The following PACS1 variants were observed in gnomAD, a reference collection of about 807,000 sequenced individuals.
PACS1 encodes PACS-1.
In PACS1, 24 loss-of-function variants were observed where a neutral mutation model predicts 115.0. The ratio of observed to expected loss-of-function variants is 0.21; its 90% CI spans 0.15 to 0.29. PACS1 has a LOEUF of 0.29. PACS1 is among the 10% of genes least tolerant of loss of function. PACS1 has a pLI of 1.00. For missense variants in PACS1, 838 were observed against 1,251.2 expected, an observed-to-expected ratio of 0.67 and a Z score of 4.98; for synonymous variants, 453 against 504.5, an observed-to-expected ratio of 0.90 and a Z score of 1.37.
intron 2 of PACS1, among the ~76,000 whole-genome samples, chr11:66,196,764 A>G (rs1854661159): frequency 6.6e-6 from 1 of 151,970 alleles, no homozygotes; most frequent in South Asian, 2.1e-4. Flanking sequence ...TGCCTGGCTA[A>G]TTTGTGTATT....
intron 10 of PACS1, among the ~76,000 whole-genome samples, chr11:66,224,945 C>G (rs772387317): frequency 2.6e-5 from 4 of 152,162 alleles, no homozygotes; most frequent in Non-Finnish European, 4.4e-5. Context: ...ATCGCTAGAA[C>G]CAGAAAGAAT....
chr11:66,088,203 T>G (rs1372269605), intron 1 of PACS1, among the ~76,000 whole-genome samples: 2 of 152,056 alleles, frequency 1.3e-5, no homozygotes, highest in East Asian at 3.8e-4. Context: ...TATGACGATA[T>G]CAAGCAACCT....
chr11:66,171,486 G>C (rs986822063), intron 1 of PACS1, among the ~76,000 whole-genome samples: 1 of 149,410 alleles, frequency 6.7e-6, no homozygotes, highest in Non-Finnish European at 1.5e-5. Context: ...TCTTTTTTTG[G>C]GGGGGCGGTG....
intron 1 of PACS1, among the ~76,000 whole-genome samples, chr11:66,133,333 T>C (rs903795910): frequency 6.6e-6 from 1 of 152,242 alleles, no homozygotes; most frequent in Non-Finnish European, 1.5e-5. Flanking sequence ...GCTAGCCATA[T>C]GCTGCCAGAT....
At position 66,117,506 on chromosome 11, in the gene PACS1, G is replaced by A. The variant is rs1299625334; in HGVS notation, c.356+46664G>A. 2.0e-5 allele frequency among the ~76,000 whole-genome samples: 3 copies of A among 151,050 alleles called. No individual in the cohort carries two copies. In the East Asian group the frequency reaches 5.9e-4, roughly 30 times the overall value. ...AAAGAAAGAAAAAGAAAAGGTTAAG[G>A]ACCCCTCATTAGAGTTACAAGACCA... is the stretch of plus-strand genomic sequence containing the variant. On this transcript the variant is annotated intron_variant, in intron 1 of 23. Coordinates refer to ENST00000320580, the MANE Select transcript of PACS1 (RefSeq NM_018026.4).
intron 1 of PACS1, among the ~76,000 whole-genome samples, chr11:66,076,460 G>A (rs956434770): frequency 1.1e-4 from 17 of 152,010 alleles, no homozygotes; most frequent in Admixed American, 1.0e-3. Flanking sequence ...GAGTGCAATG[G>A]TGCGATCTCG....
Position 66,070,752 on chromosome 11 carries a change from G to GCCCGGGGCCAGGCCGCACCCCCGC in PACS1, c.272_295dup (p.Gly91_Pro98dup). On this transcript the variant is annotated inframe_insertion, in exon 1 of 24. Transcript: ENST00000320580. The surrounding 1 kb of genome is among the most constrained non-coding windows in gnomAD (Gnocchi z 5.9). Reference sequence around the variant, plus strand: ...GCCTCGGGCTCCGCGCCTCCCGGTGGCCCGGGGCCAGGCCGCACCCCCGCC... The same window carrying GCCCGGGGCCAGGCCGCACCCCCGC: ...GCCTCGGGCTCCGCGCCTCCCGGTGGCCCGGGGCCAGGCCGCACCCCCGCCCCGGGGCCAGGCCGCACCCCCGCC... The GCCCGGGGCCAGGCCGCACCCCCGC allele has an allele frequency of 6.4e-7, 1 of 1,554,932 alleles. No individual in the cohort carries two copies. Among genetic ancestry groups the GCCCGGGGCCAGGCCGCACCCCCGC allele is most frequent in the Non-Finnish European group, 8.6e-7 (1 of 1,158,402 alleles).
At chr11:66,230,514 G>T in intron 11 of PACS1, 34 bp from the exon 12 acceptor site, 1 of 1,490,026 alleles carries the variant, frequency 6.7e-7, no homozygotes, top group Non-Finnish European at 9.4e-7. Flanking sequence ...CTGAGTGGGA[G>T]GTCATCTTCA....
intron 1 of PACS1, among the ~76,000 whole-genome samples, chr11:66,113,854 T>G (rs1209550437): frequency 6.6e-6 from 1 of 152,238 alleles, no homozygotes; most frequent in Non-Finnish European, 1.5e-5. Context: ...CAGTCCTTTC[T>G]TCCTTTATTA....
At chr11:66,079,323 ATAG>A (rs1857445769) in intron 1 of PACS1, among the ~76,000 whole-genome samples, 1 of 37,640 alleles carries the variant, frequency 2.7e-5, no homozygotes, top group Non-Finnish European at 7.3e-5. Flanking sequence ...TTTTTTTTTA[ATAG>A]TTTATTGCTG....
At chr11:66,115,242 C>G (rs576327307) in intron 1 of PACS1, among the ~76,000 whole-genome samples, 1 of 150,854 alleles carries the variant, frequency 6.6e-6, no homozygotes, top group African/African-American at 2.4e-5. Context: ...AGAACAGTGA[C>G]CTTTGGTTGT....
intron 1 of PACS1, among the ~76,000 whole-genome samples, chr11:66,183,433 G>A (rs962000934): frequency 6.6e-6 from 1 of 152,146 alleles, no homozygotes; most frequent in Non-Finnish European, 1.5e-5. Flanking sequence ...AAGGGAAGAG[G>A]CAGGGCTTAT....
At chr11:66,217,675 A>G (rs1855246045) in intron 7 of PACS1, 2 of 453,510 alleles carry the variant, frequency 4.4e-6, no homozygotes, top group South Asian at 3.1e-5. Flanking sequence ...AGGGAGCGGG[A>G]GGACTGTTTC....
intron 1 of PACS1, among the ~76,000 whole-genome samples, chr11:66,169,339 ATTGGTT>A (rs1859683367): frequency 6.6e-6 from 1 of 150,534 alleles, no homozygotes; most frequent in Admixed American, 6.6e-5. Flanking sequence ...GATTACAGGC[ATTGGTT>A]TTCTAATGTT....
Position 66,243,527 on chromosome 11 carries a change from G to T in PACS1, c.*247G>T, listed in dbSNP as rs180676250. On this transcript the variant is annotated 3_prime_UTR_variant, in exon 24 of 24. Coordinates refer to ENST00000320580, the MANE Select transcript of PACS1 (RefSeq NM_018026.4). ...CTCCCTCCTGCTCCAGGCCCAAGGC[G>T]TGTTGGTTTTGCCTTCTGGTGCCCA... 3 of 535,616 alleles carry T rather than the reference G, an allele frequency of 5.6e-6. No individual in the cohort carries two copies. The allele number at this position is 535,616 out of a possible 1,614,324, so 33.2% of individuals were successfully genotyped here.
intron 1 of PACS1, among the ~76,000 whole-genome samples, chr11:66,150,492 T>A (rs1275525343): frequency 6.6e-6 from 1 of 152,218 alleles, no homozygotes; most frequent in Admixed American, 6.5e-5. Context: ...AGAAACATTT[T>A]AAGCCTTTCT....
rs956460163 is a variant in PACS1 at position 66,083,149 on chromosome 11, T to C, written c.356+12307T>C. ...TGACAGCATTCTGTCATCTCTCCCA[T>C]GCACTGCTTTTGCTGTGGATGAAAA... On this transcript the variant is annotated intron_variant, in intron 1 of 23. Transcript: ENST00000320580. 2.0e-5 allele frequency among the ~76,000 whole-genome samples: 3 copies of C among 152,196 alleles called. No individual in the cohort carries two copies. The South Asian group carries it at 6.2e-4, about 32-fold the overall frequency.
At chr11:66,071,602 C>T (rs1334346751) in intron 1 of PACS1, among the ~76,000 whole-genome samples, 3 of 152,206 alleles carry the variant, frequency 2.0e-5, no homozygotes, top group South Asian at 2.1e-4. Context: ...ATTGGCAAGG[C>T]AGTCTGTCTC....
At chr11:66,072,942 A>C (rs1225685123) in intron 1 of PACS1, among the ~76,000 whole-genome samples, 1 of 152,250 alleles carries the variant, frequency 6.6e-6, no homozygotes. Flanking sequence ...GTCACTGCAA[A>C]GTCCACGTAA....
Sources: gnomAD v4.1 joint callset for allele counts (sites outside exome capture counted in the v4.1 genomes callset) on GRCh38, gnomAD v4.1.1 for gene constraint, Gnocchi (gnomAD v3.1) non-coding constraint, MANE v1.5 for transcripts, NCBI Gene and HGNC (gene_info 2026-07-23, HGNC 2026-07-21) for gene names.